The following CCDC39 variants were observed in gnomAD, a reference collection of about 807,000 sequenced individuals.
CCDC39 encodes the protein coiled-coil domain 39 molecular ruler complex subunit.
A neutral mutation model predicts 121.0 loss-of-function variants in CCDC39; 113 were observed. That is an observed-to-expected ratio of 0.93 (90% CI 0.80 to 1.09). CCDC39 has a LOEUF of 1.09. CCDC39 is among the 50% of genes least tolerant of loss of function. The pLI is 0.00. For missense variants in CCDC39, 1,063 were observed against 1,074.7 expected (o/e 0.99, Z 0.15); for synonymous variants, 349 against 352.2 (o/e 0.99, Z 0.10).
chr3:180,658,040 C>T (rs1576948652), intron 6 of CCDC39, among the ~76,000 whole-genome samples: 1 of 151,266 alleles, frequency 6.6e-6, no homozygotes, highest in East Asian at 2.0e-4. Context: ...TCGAGACCAG[C>T]CTGGCCAACA....
At chr3:180,636,819 A>C (rs948164077) in intron 13 of CCDC39, among the ~76,000 whole-genome samples, 4 of 148,384 alleles carry the variant, frequency 2.7e-5, no homozygotes, top group Non-Finnish European at 4.5e-5. Context: ...GAGAAAAACT[A>C]TCAGTGGGGA....
At position 180,641,536 on chromosome 3, in the gene CCDC39, T is replaced by G. The variant is rs191070151; in HGVS notation, c.1874+457A>C. 3.3e-3 allele frequency among the ~76,000 whole-genome samples: 500 copies of G among 152,232 alleles called. 3 individuals are homozygous for G. The highest frequency in any genetic ancestry group is 7.3e-3 in the Admixed American group (112 of 15,284). On this transcript the variant is annotated intron_variant, in intron 13 of 19. Coordinates refer to ENST00000476379, the MANE Select transcript of CCDC39 (RefSeq NM_181426.2). Reference sequence around the variant, plus strand: ...AATGTACTGATTGTTAGAACAAGATTGTTAAGCAGGGTTGCTGAATACTTA... The same window carrying G: ...AATGTACTGATTGTTAGAACAAGATGGTTAAGCAGGGTTGCTGAATACTTA...
chr3:180,638,990 A>C (rs1717894759), intron 13 of CCDC39, among the ~76,000 whole-genome samples: 1 of 152,154 alleles, frequency 6.6e-6, no homozygotes, highest in Non-Finnish European at 1.5e-5. Flanking sequence ...TGTCCATACC[A>C]AGAACACATA....
chr3:180,661,585 C>T (rs190025583), intron 3 of CCDC39, among the ~76,000 whole-genome samples: 22 of 152,144 alleles, frequency 1.4e-4, no homozygotes, highest in African/African-American at 4.3e-4. Context: ...ATATAAACCA[C>T]GCCTAGTATT....
At position 180,662,021 on chromosome 3, in the gene CCDC39, C is replaced by A. The variant is rs916137566; in HGVS notation, c.211-14G>T. 2.2e-5 allele frequency: 34 copies of A among 1,531,536 alleles called. No homozygotes were observed. The highest frequency in any genetic ancestry group is 2.8e-5 in the Non-Finnish European group (32 of 1,141,840). The allele number at this position is 1,531,536 out of a possible 1,614,324, so 94.9% of individuals were successfully genotyped here. ...TTTGCAAAGAGACTACAGAATAACACACAAGATAAAAAGGCTTTTAAAATT... is the reference window on the plus strand; with the variant it reads ...TTTGCAAAGAGACTACAGAATAACAAACAAGATAAAAAGGCTTTTAAAATT... On this transcript the variant is annotated splice_polypyrimidine_tract_variant and intron_variant, in intron 2 of 19. Coordinates refer to ENST00000476379, the MANE Select transcript of CCDC39 (RefSeq NM_181426.2).
At chr3:180,675,963 T>C (rs1327742373) in intron 1 of CCDC39, among the ~76,000 whole-genome samples, 2 of 152,146 alleles carry the variant, frequency 1.3e-5, no homozygotes, top group South Asian at 2.1e-4. Flanking sequence ...GAAACTGGAT[T>C]CCTTCCTTAC....
intron 1 of CCDC39, among the ~76,000 whole-genome samples, chr3:180,667,140 C>T (rs746978618): frequency 7.2e-5 from 11 of 151,996 alleles, no homozygotes; most frequent in Non-Finnish European, 1.6e-4. Context: ...ATTCCAAATT[C>T]TGAAGTAAAA....
At chr3:180,635,906 T>C (rs1476963026) in intron 13 of CCDC39, among the ~76,000 whole-genome samples, 1 of 152,160 alleles carries the variant, frequency 6.6e-6, no homozygotes, top group African/African-American at 2.4e-5. Flanking sequence ...AGTCAACTCC[T>C]CTTCATGTTA....
chr3:180,617,749 A>G (rs953804571), intron 16 of CCDC39: 84 of 361,628 alleles, frequency 2.3e-4, no homozygotes, highest in Non-Finnish European at 5.9e-5. Flanking sequence ...AAAATTAAAA[A>G]TGTTTAAAGT....
At chr3:180,646,174 A>G (rs1338909357) in intron 11 of CCDC39, among the ~76,000 whole-genome samples, 1 of 152,156 alleles carries the variant, frequency 6.6e-6, no homozygotes, top group Non-Finnish European at 1.5e-5. Flanking sequence ...AACTAGTTTT[A>G]TCTGATCCAA....
chr3:180,620,017 G>A, intron 14 of CCDC39, 47 bp from the exon 15 acceptor site: 2 of 1,428,194 alleles, frequency 1.4e-6, no homozygotes, highest in South Asian at 2.8e-5. Flanking sequence ...ATTTACTATG[G>A]GAAGAAATGC....
At chr3:180,643,889 T>C (rs898114764) in intron 12 of CCDC39, among the ~76,000 whole-genome samples, 2 of 152,204 alleles carry the variant, frequency 1.3e-5, no homozygotes, top group Admixed American at 6.5e-5. Flanking sequence ...TTTGAAAGAA[T>C]AGTTAATGTT....
intron 6 of CCDC39, among the ~76,000 whole-genome samples, chr3:180,657,478 G>C (rs1284533456): frequency 6.6e-6 from 1 of 152,180 alleles, no homozygotes; most frequent in African/African-American, 2.4e-5. Flanking sequence ...GTCATGACTT[G>C]AGAAAAGAAT....
chr3:180,669,003 A>G (rs1711960724), intron 1 of CCDC39, among the ~76,000 whole-genome samples: 1 of 152,248 alleles, frequency 6.6e-6, no homozygotes, highest in African/African-American at 2.4e-5. Flanking sequence ...ATAATTACAT[A>G]TTCTACAGCA....
chr3:180,666,659 A>C (rs2108432279), intron 1 of CCDC39, among the ~76,000 whole-genome samples: 1 of 152,286 alleles, frequency 6.6e-6, no homozygotes, highest in South Asian at 2.1e-4. Flanking sequence ...ATGAAAGCAT[A>C]ATTAACTCTC....
At chr3:180,665,457 T>C (rs1711849970) in intron 1 of CCDC39, among the ~76,000 whole-genome samples, 1 of 152,166 alleles carries the variant, frequency 6.6e-6, no homozygotes, top group Non-Finnish European at 1.5e-5. Context: ...AAGGAAATAT[T>C]AGAATTTCAA....
intron 1 of CCDC39, among the ~76,000 whole-genome samples, chr3:180,672,204 GA>G (rs562313668): frequency 6.6e-6 from 1 of 151,528 alleles, no homozygotes; most frequent in Non-Finnish European, 1.5e-5. Context: ...CTATAGATAG[GA>G]AAAAAAAGCC....
chr3:180,674,542 T>A (rs1712138072), intron 1 of CCDC39, among the ~76,000 whole-genome samples: 1 of 152,234 alleles, frequency 6.6e-6, no homozygotes, highest in Non-Finnish European at 1.5e-5. Flanking sequence ...AGAGAGGGCA[T>A]CCCTGTCTTG....
At chr3:180,636,356 T>C (rs1012695129) in intron 13 of CCDC39, among the ~76,000 whole-genome samples, 1 of 151,874 alleles carries the variant, frequency 6.6e-6, no homozygotes, top group Admixed American at 6.6e-5. Flanking sequence ...CATTACACAA[T>C]TAACACAAAA....
Sources: allele counts gnomAD v4.1 joint callset (sites outside exome capture counted in the v4.1 genomes callset), GRCh38; gene constraint gnomAD v4.1.1; transcripts MANE v1.5; gene names NCBI Gene and HGNC (gene_info 2026-07-23, HGNC 2026-07-21).